The following TMEM98 variants were observed in gnomAD, a reference collection of about 807,000 sequenced individuals.
The protein encoded by TMEM98 is transmembrane protein 98.
A neutral mutation model predicts 25.0 loss-of-function variants in TMEM98; 18 were observed. The observed-to-expected ratio is 0.72, with a 90% CI of 0.50 to 1.07. TMEM98 has a LOEUF of 1.07. TMEM98 is among the 50% of genes least tolerant of loss of function. The pLI is 0.00. For synonymous variants in TMEM98, 103 were observed against 112.4 expected (o/e 0.92, Z 0.53); for missense variants, 241 against 289.0 (o/e 0.83, Z 1.20).
In TMEM98 at chr17:32,934,289, A is replaced by C; in HGVS notation, c.264-2A>C. On this transcript the variant is annotated splice_acceptor_variant, in intron 4 of 7. Coordinates refer to ENST00000579849, the MANE Select transcript of TMEM98 (RefSeq NM_015544.3). LOFTEE classifies it high-confidence loss of function. ...ACTGATGACTTCTTCTTGTTTCCCC[A>C]GGGGTCTCATGTCCCACTGCATTGC... 2 of 1,614,104 alleles carry C rather than the reference A, an allele frequency of 1.2e-6. No individual in the cohort carries two copies. The highest frequency in any genetic ancestry group is 1.7e-6 in the Non-Finnish European group (2 of 1,180,014).
chr17:32,930,145 C>T (rs1386716239), intron 1 of TMEM98, among the ~76,000 whole-genome samples: 1 of 151,418 alleles, frequency 6.6e-6, no homozygotes, highest in Non-Finnish European at 1.5e-5. Flanking sequence ...CTTTTTTTCA[C>T]GTGGGGAAAT....
Position 32,941,588 on chromosome 17 carries a change from G to A in TMEM98, c.*595G>A, listed in dbSNP as rs2091531552. The stretch of plus-strand genomic sequence containing the variant: ...TTGATGATTTCTTTTTTATCTTTAT[G>A]CCTGCAATTTTACCTAGCTACCACT... On this transcript the variant is annotated 3_prime_UTR_variant, in exon 8 of 8. Coordinates refer to ENST00000579849, the MANE Select transcript of TMEM98 (RefSeq NM_015544.3). 6.6e-6 allele frequency: 1 copy of A among 152,138 alleles called. No homozygotes were observed. The highest frequency in any genetic ancestry group is 2.1e-4 in the South Asian group (1 of 4,830). The allele number at this position is 152,138 out of a possible 1,614,324, so 9.4% of individuals were successfully genotyped here.
chr17:32,934,452 T>G, intron 5 of TMEM98, 128 bp downstream of exon 5: 2 of 1,026,766 alleles, frequency 1.9e-6, no homozygotes, highest in Non-Finnish European at 2.9e-6. Flanking sequence ...AACTTGACAC[T>G]TGGAATTTTT....
chr17:32,931,385 A>G lies in TMEM98; in HGVS notation c.-72A>G, dbSNP rs1032474802. The G allele has an allele frequency of 1.0e-5, 12 of 1,152,432 alleles. No individual in the cohort carries two copies. The highest frequency in any genetic ancestry group is 3.3e-5 in the South Asian group (2 of 60,578). The allele number at this position is 1,152,432 out of a possible 1,614,324, so 71.4% of individuals were successfully genotyped here. ...CTAGCACCTGCCATCCTCTTCCCCA[A>G]TTTGCCACTTCCAGCAGGTAAGACC... On this transcript the variant is annotated 5_prime_UTR_variant, in exon 2 of 8. Transcript: ENST00000579849.
intron 7 of TMEM98, among the ~76,000 whole-genome samples, chr17:32,940,437 C>G (rs1290892490): frequency 6.6e-6 from 1 of 152,170 alleles, no homozygotes; most frequent in Non-Finnish European, 1.5e-5. Context: ...TTGACTATAT[C>G]TGAACTGTTT....
rs775525737 is a variant in TMEM98 at position 32,931,632 on chromosome 17, G to A, written c.104G>A (p.Arg35Gln). ...LVCRQRYCRPRDLLQRYDSKP... is the reference protein window; with the variant it reads ...LVCRQRYCRPQDLLQRYDSKP... ...TGCAGGCAGCGCTACTGCCGGCCGC[G>A]AGACCTGCTGCAGCGCTATGATTCT... Residue 35 changes from arginine (R) to glutamine (Q), a missense_variant, in exon 3 of 8, where the codon CGA becomes CAA. By Grantham distance (43) the Arg-to-Gln change is conservative (BLOSUM62 1). Coordinates refer to ENST00000579849, the MANE Select transcript of TMEM98 (RefSeq NM_015544.3). The A allele has an allele frequency of 7.5e-6, 12 of 1,605,482 alleles. No homozygotes were observed. In the Admixed American group the frequency reaches 1.7e-4, roughly 23 times the overall value.
chr17:32,944,002 C>T lies in TMEM98; in HGVS notation c.*3009C>T, dbSNP rs1268123552. 1 of 152,228 alleles carries T rather than the reference C, an allele frequency of 6.6e-6. No homozygotes were observed. Among genetic ancestry groups the T allele is most frequent in the Non-Finnish European group, 1.5e-5 (1 of 68,058 alleles). 9.4% of individuals were successfully genotyped at this position (152,228 alleles called of 1,614,324 possible). A position where few individuals can be genotyped will look rare whatever the true frequency, so the allele number is the denominator to read the frequency against. On this transcript the variant is annotated 3_prime_UTR_variant, in exon 8 of 8. Transcript: ENST00000579849. ...CATATGAAGACATACAAAGCCGTCG[C>T]CTCTAATCAGTGTTCAAAGGGTCGA...
At chr17:32,940,402 G>T (rs529045942) in intron 7 of TMEM98, among the ~76,000 whole-genome samples, 1 of 152,198 alleles carries the variant, frequency 6.6e-6, no homozygotes, top group South Asian at 2.1e-4. Flanking sequence ...TCAGTGGGCA[G>T]CGGTTGGGGA....
At position 32,944,039 on chromosome 17, in the gene TMEM98, A is replaced by T. The variant is rs2091544040; in HGVS notation, c.*3046A>T. On this transcript the variant is annotated 3_prime_UTR_variant, in exon 8 of 8. Coordinates refer to ENST00000579849, the MANE Select transcript of TMEM98 (RefSeq NM_015544.3). ...GTTCAAAGGGTCGATTGTGCAACTCACATTCCTCCAGAGAAATTCCCCCAG... is the reference window on the plus strand; with the variant it reads ...GTTCAAAGGGTCGATTGTGCAACTCTCATTCCTCCAGAGAAATTCCCCCAG... 6.6e-6 allele frequency: 1 copy of T among 152,282 alleles called. No homozygotes were observed. The highest frequency in any genetic ancestry group is 2.4e-5 in the African/African-American group (1 of 41,458). The allele number at this position is 152,282 out of a possible 1,614,324, so 9.4% of individuals were successfully genotyped here.
At chr17:32,934,443 A>G (rs2091485488) in intron 5 of TMEM98, 119 bp downstream of exon 5, 1 of 1,114,398 alleles carries the variant, frequency 9.0e-7, no homozygotes, top group Non-Finnish European at 1.3e-6. Context: ...CCTTTCCTTA[A>G]CTTGACACTT....
Position 32,943,265 on chromosome 17 carries a change from G to A in TMEM98, c.*2272G>A, listed in dbSNP as rs1422494345. 6.6e-6 allele frequency: 1 copy of A among 152,382 alleles called. No homozygotes were observed. Among genetic ancestry groups the A allele is most frequent in the Non-Finnish European group, 1.5e-5 (1 of 68,204 alleles). The allele number at this position is 152,382 out of a possible 1,614,324, so 9.4% of individuals were successfully genotyped here. On this transcript the variant is annotated 3_prime_UTR_variant, in exon 8 of 8. Coordinates refer to ENST00000579849, the MANE Select transcript of TMEM98 (RefSeq NM_015544.3). ...AGTAAGAAGCCTCTGGATAAATTTG[G>A]TGTTGGTGGCTGATGGTTGAAGTGG...
At chr17:32,928,768 TAA>T (rs1472101199) in intron 1 of TMEM98, among the ~76,000 whole-genome samples, 11 of 141,520 alleles carry the variant, frequency 7.8e-5, no homozygotes, top group African/African-American at 3.1e-4. Context: ...ACAAGCACAC[TAA>T]GAAACATTCA....
chr17:32,940,172 C>G (rs2091521086), intron 7 of TMEM98, among the ~76,000 whole-genome samples: 1 of 152,212 alleles, frequency 6.6e-6, no homozygotes, highest in Non-Finnish European at 1.5e-5. Context: ...TGCTGCCGAG[C>G]TTTGTCCGTG....
chr17:32,935,645 C>G (rs1431676820), intron 5 of TMEM98, among the ~76,000 whole-genome samples: 1 of 152,044 alleles, frequency 6.6e-6, no homozygotes, highest in Non-Finnish European at 1.5e-5. Context: ...CTGTCCAGCT[C>G]CAAGTATAGG....
chr17:32,928,812 G>A (rs1458302019), intron 1 of TMEM98, among the ~76,000 whole-genome samples: 5 of 142,548 alleles, frequency 3.5e-5, no homozygotes, highest in Non-Finnish European at 7.5e-5. Flanking sequence ...CACGCACTCA[G>A]AAGCACACAA....
intron 6 of TMEM98, among the ~76,000 whole-genome samples, chr17:32,937,462 T>C (rs29004): frequency 0.089 from 13,504 of 152,226 alleles, 678 homozygotes; most frequent in Non-Finnish European, 0.094. Context: ...GGGACTCAGC[T>C]GAGAACAGTT....
At chr17:32,930,373 A>C (rs1481068760) in intron 1 of TMEM98, among the ~76,000 whole-genome samples, 4 of 120,544 alleles carry the variant, frequency 3.3e-5, no homozygotes, top group African/African-American at 1.5e-4. Flanking sequence ...CGATGTGTTC[A>C]TACTAAAAAA....
chr17:32,939,381 T>C lies in TMEM98; in HGVS notation c.414-96T>C, dbSNP rs369624585. On this transcript the variant is annotated intron_variant, in intron 6 of 7. Transcript: ENST00000579849. ...GAGATAGCACCACTGCACTCCAGCC[T>C]GGGTGACAGAGCGAGACTCTGTCTC... 2.6e-4 allele frequency: 355 copies of C among 1,347,214 alleles called. 5 individuals carry two copies. The African/African-American group carries it at 3.6e-3, about 14-fold the overall frequency. The allele number at this position is 1,347,214 out of a possible 1,614,324, so 83.5% of individuals were successfully genotyped here. A position where few individuals can be genotyped will look rare whatever the true frequency, so the allele number is the denominator to read the frequency against.
chr17:32,939,601 C>A, intron 7 of TMEM98, 65 bp downstream of exon 7: 1 of 1,593,858 alleles, frequency 6.3e-7, no homozygotes, highest in Admixed American at 1.7e-5. Flanking sequence ...TTTATCAGAT[C>A]TGTGAGGCTG....
Sources: allele counts gnomAD v4.1 joint callset (sites outside exome capture counted in the v4.1 genomes callset), GRCh38; gene constraint gnomAD v4.1.1; transcripts MANE v1.5; gene names NCBI Gene and HGNC (gene_info 2026-07-23, HGNC 2026-07-21).